The following NEDD9 variants were observed in gnomAD, a reference collection of about 807,000 sequenced individuals.
The protein encoded by NEDD9 is neural precursor cell expressed, developmentally down-regulated 9, also known as enhancer of filamentation 1.
NEDD9 carries 26 observed loss-of-function variants against 76.6 expected under a neutral mutation model. The ratio of observed to expected loss-of-function variants is 0.34; its 90% CI spans 0.25 to 0.47. The LOEUF is 0.47. NEDD9 is among the 20% of genes least tolerant of loss of function. The probability of loss-of-function intolerance (pLI) is 1.00; values close to 1 mark genes in which losing one functional copy is unlikely to be tolerated. For synonymous variants in NEDD9, 392 were observed against 414.2 expected (o/e 0.95, Z 0.65); for missense variants, 937 against 1,058.5 (o/e 0.89, Z 1.59).
chr6:11,310,010 C>T (rs1047103714), intron 2 of NEDD9, among the ~76,000 whole-genome samples: 4 of 152,002 alleles, frequency 2.6e-5, no homozygotes, highest in South Asian at 2.1e-4. Flanking sequence ...TACATCGACA[C>T]GCCACTAGGA....
intron 3 of NEDD9, among the ~76,000 whole-genome samples, chr6:11,298,155 G>A (rs915000241): frequency 2.6e-5 from 4 of 151,920 alleles, no homozygotes; most frequent in African/African-American, 7.3e-5. Flanking sequence ...TTATCTGCCC[G>A]CCTTGACCTC....
At chr6:11,259,230 AC>A (rs1760060211) in intron 3 of NEDD9, 2 of 152,128 alleles carry the variant, frequency 1.3e-5, no homozygotes, top group Admixed American at 6.5e-5. Context: ...CTTGGAGTGT[AC>A]CCTCCACCTG....
At chr6:11,287,023 G>A (rs1760663803) in intron 3 of NEDD9, among the ~76,000 whole-genome samples, 1 of 152,214 alleles carries the variant, frequency 6.6e-6, no homozygotes, top group African/African-American at 2.4e-5. Flanking sequence ...ATCTGGTTGG[G>A]CTCACACAAT....
chr6:11,336,590 TGA>T (rs1316366014), intron 1 of NEDD9, among the ~76,000 whole-genome samples: 1 of 152,170 alleles, frequency 6.6e-6, no homozygotes, highest in Non-Finnish European at 1.5e-5. Flanking sequence ...TTGCTCTGGG[TGA>T]GTCAGTGAGT....
At chr6:11,200,709 C>T (rs900680390) in intron 2 of NEDD9, 39 of 1,308,106 alleles carry the variant, frequency 3.0e-5, no homozygotes, top group Admixed American at 3.4e-5. Context: ...GTGAGAATTT[C>T]AAACCAAAGC....
intron 2 of NEDD9, chr6:11,201,050 G>C (rs1427232854): frequency 5.6e-6 from 9 of 1,614,112 alleles, no homozygotes; most frequent in African/African-American, 1.3e-5. Flanking sequence ...GGAACACCTA[G>C]AGACAAAGCA....
At chr6:11,379,276 C>T (rs1013365904) in intron 1 of NEDD9, among the ~76,000 whole-genome samples, 3 of 92,306 alleles carry the variant, frequency 3.3e-5, no homozygotes, top group South Asian at 3.4e-4. Flanking sequence ...CTGTCAGCAA[C>T]GTTTTTTTCT....
intron 1 of NEDD9, among the ~76,000 whole-genome samples, chr6:11,364,907 G>C (rs1418691750): frequency 6.6e-6 from 1 of 151,990 alleles, no homozygotes; most frequent in Non-Finnish European, 1.5e-5. Context: ...AAGCCAAATG[G>C]AGCCTCTGCA....
intron 3 of NEDD9, among the ~76,000 whole-genome samples, chr6:11,297,592 T>C (rs1760928818): frequency 6.6e-6 from 1 of 152,218 alleles, no homozygotes; most frequent in Non-Finnish European, 1.5e-5. Context: ...CCACCAGGCC[T>C]TTCATTATGC....
At chr6:11,319,325 T>C (rs1168518357) in intron 2 of NEDD9, among the ~76,000 whole-genome samples, 6 of 151,896 alleles carry the variant, frequency 4.0e-5, no homozygotes, top group Admixed American at 1.3e-4. Flanking sequence ...GCACTCACAC[T>C]CTCACACACC....
In NEDD9 at chr6:11,232,605, A is replaced by G. The variant is rs1759516608; in HGVS notation, c.-90T>C. The G allele has an allele frequency of 1.2e-6, 2 of 1,608,486 alleles. No homozygotes were observed. The highest frequency in any genetic ancestry group is 1.7e-6 in the Non-Finnish European group (2 of 1,177,478). On this transcript the variant is annotated 5_prime_UTR_variant, in exon 1 of 7. Transcript: ENST00000379446. ...CCGCCCCTCCATTGAGTGCAGCGCT[A>G]GATGAAAGCGAGAAGGTCCCGGGCA...
At chr6:11,364,969 G>A (rs542931985) in intron 1 of NEDD9, among the ~76,000 whole-genome samples, 45 of 152,096 alleles carry the variant, frequency 3.0e-4, no homozygotes, top group South Asian at 2.9e-3. Flanking sequence ...CCCTGGCACC[G>A]GGGTAAGAGC....
At chr6:11,185,992 A>G (rs6912556) in intron 6 of NEDD9, among the ~76,000 whole-genome samples, 129,305 of 152,138 alleles carry the variant, frequency 0.85, 55,061 homozygotes, top group East Asian at 1. Flanking sequence ...CGTTTACAAA[A>G]TGCTTATAAT....
chr6:11,230,703 G>A (rs986493598), intron 1 of NEDD9, among the ~76,000 whole-genome samples: 1 of 152,214 alleles, frequency 6.6e-6, no homozygotes, highest in African/African-American at 2.4e-5. Flanking sequence ...TTTTGCTGGT[G>A]AAGGTGCCTA....
At position 11,271,208 on chromosome 6, in the gene NEDD9, T is replaced by TTATTGTTTTGTAGAAATGCGG. The variant is rs567224577; in HGVS notation, c.12+34763_12+34783dup. On this transcript the variant is annotated intron_variant, in intron 3 of 3. Transcript: ENST00000397378. ...CACACCTGATTAATTTTTTTTAACCTTATTGTTTTGTAGAAATGCGGTCTC... is the reference window on the plus strand; with the variant it reads ...CACACCTGATTAATTTTTTTTAACCTTATTGTTTTGTAGAAATGCGGTATTGTTTTGTAGAAATGCGGTCTC... Among the ~76,000 whole-genome samples the TTATTGTTTTGTAGAAATGCGG allele has an allele frequency of 2.6e-5, 4 of 152,268 alleles. No individual in the cohort carries two copies. The South Asian group carries it at 8.3e-4, about 32-fold the overall frequency.
At chr6:11,351,283 C>T (rs1238798139) in intron 1 of NEDD9, among the ~76,000 whole-genome samples, 1 of 152,092 alleles carries the variant, frequency 6.6e-6, no homozygotes, top group East Asian at 1.9e-4. Flanking sequence ...GCCAGGAGTC[C>T]CCAGGCTGGA....
chr6:11,208,620 G>T (rs1758680725), intron 2 of NEDD9, among the ~76,000 whole-genome samples: 1 of 152,238 alleles, frequency 6.6e-6, no homozygotes, highest in South Asian at 2.1e-4. Context: ...TCAGCCTACA[G>T]CAGTCAGGAG....
chr6:11,272,407 C>T (rs1458498470), intron 3 of NEDD9, among the ~76,000 whole-genome samples: 2 of 152,194 alleles, frequency 1.3e-5, no homozygotes, highest in East Asian at 3.8e-4. Context: ...TGATCACCTT[C>T]TACTTTTAAG....
At chr6:11,349,109 G>A in intron 1 of NEDD9, among the ~76,000 whole-genome samples, 1 of 152,064 alleles carries the variant, frequency 6.6e-6, no homozygotes, top group Non-Finnish European at 1.5e-5. Flanking sequence ...ATTTGGCAAA[G>A]GACATAAAAA....
Sources: allele counts gnomAD v4.1 joint callset (sites outside exome capture counted in the v4.1 genomes callset), GRCh38; gene constraint gnomAD v4.1.1; transcripts MANE v1.5; gene names NCBI Gene and HGNC (gene_info 2026-07-23, HGNC 2026-07-21).